Variants in TPST2 observed in about 807,000 individuals in gnomAD.
The protein encoded by TPST2 is protein-tyrosine sulfotransferase 2.
In TPST2, 16 loss-of-function variants were observed where a neutral mutation model predicts 27.8. The ratio of observed to expected loss-of-function variants is 0.58; its 90% CI spans 0.39 to 0.88. The LOEUF is 0.88. Among genes scored for constraint, TPST2 ranks in the 40% least tolerant of loss-of-function variants. The pLI is 0.00. For synonymous variants in TPST2, 229 were observed against 231.7 expected (o/e 0.99, Z 0.10); for missense variants, 464 against 543.1 (o/e 0.85, Z 1.45).
At chr22:26,545,498 T>C (rs956701642) in intron 1 of TPST2, among the ~76,000 whole-genome samples, 2 of 152,220 alleles carry the variant, frequency 1.3e-5, no homozygotes, top group Non-Finnish European at 2.9e-5. Flanking sequence ...CAGTGCTGTG[T>C]CCTTACCATT....
intron 4 of TPST2, 32 bp downstream of exon 4, chr22:26,536,256 G>A (rs770086281): frequency 3.1e-6 from 5 of 1,612,760 alleles, no homozygotes; most frequent in Non-Finnish European, 2.5e-6. Context: ...ATCCCCAAGA[G>A]TACACTTCCA....
At chr22:26,544,951 G>A (rs1340481465) in intron 1 of TPST2, among the ~76,000 whole-genome samples, 3 of 152,190 alleles carry the variant, frequency 2.0e-5, no homozygotes, top group Non-Finnish European at 1.5e-5. Context: ...GGGAGCCCCT[G>A]GTTTATGCCA....
chr22:26,535,921 A>G (rs965936085), intron 4 of TPST2: 11 of 370,688 alleles, frequency 3.0e-5, no homozygotes, highest in Non-Finnish European at 4.2e-5. Context: ...CCAATAGTTT[A>G]TTTATTTATA....
chr22:26,540,477 T>C (rs1925729879), intron 3 of TPST2, among the ~76,000 whole-genome samples: 1 of 152,136 alleles, frequency 6.6e-6, no homozygotes, highest in Admixed American at 6.5e-5. Context: ...CGCATGCCTA[T>C]AGTCCCAGCT....
chr22:26,552,709 G>A (rs569123463), intron 1 of TPST2, among the ~76,000 whole-genome samples: 21 of 152,198 alleles, frequency 1.4e-4, no homozygotes, highest in South Asian at 8.3e-4. Context: ...GAAAACAGGC[G>A]GTCAGCTAGA....
At chr22:26,569,980 GAAAAGAAAGAAAAAGAAA>G (rs1927542087) in intron 1 of TPST2, among the ~76,000 whole-genome samples, 1 of 19,952 alleles carries the variant, frequency 5.0e-5, no homozygotes, top group African/African-American at 2.4e-4. Flanking sequence ...AAGAAAGAAA[GAAAAGAAAGAAAAAGAAA>G]GAAAGAAAGA....
intron 1 of TPST2, among the ~76,000 whole-genome samples, chr22:26,571,815 C>T (rs1350775901): frequency 6.6e-6 from 1 of 152,156 alleles, no homozygotes; most frequent in Non-Finnish European, 1.5e-5. Flanking sequence ...CCCCATGAAC[C>T]CCTGATCCAA....
At chr22:26,544,946 C>T (rs541662384) in intron 1 of TPST2, among the ~76,000 whole-genome samples, 1 of 152,216 alleles carries the variant, frequency 6.6e-6, no homozygotes, top group East Asian at 1.9e-4. Flanking sequence ...CCTTAGGGAG[C>T]CCCTGGTTTA....
chr22:26,554,783 C>T (rs1336420301), intron 1 of TPST2, among the ~76,000 whole-genome samples: 1 of 152,194 alleles, frequency 6.6e-6, no homozygotes, highest in East Asian at 1.9e-4. Context: ...GCCAAAAATA[C>T]AGAAATTAGC....
At chr22:26,588,562 T>C (rs1043746339) in intron 1 of TPST2, among the ~76,000 whole-genome samples, 4 of 152,092 alleles carry the variant, frequency 2.6e-5, no homozygotes, top group Non-Finnish European at 5.9e-5. Context: ...ACAAAGCTGT[T>C]ATAAAAAAAG....
chr22:26,542,252 A>AAG (rs1208526053), intron 2 of TPST2, among the ~76,000 whole-genome samples: 1 of 151,478 alleles, frequency 6.6e-6, no homozygotes, highest in African/African-American at 2.4e-5. Flanking sequence ...AAAAAAAAAA[A>AAG]AAAAAAGGCT....
Position 26,540,834 on chromosome 22 carries a change from TGGA to T in TPST2, c.794_796del (p.Leu265del), listed in dbSNP as rs1282419394. ...GGGCTTGCCAATGAGGTCTTCATGG[TGGA>T]GGACAGCGTCGCTCCAGGCGATGCC... On this transcript the variant is annotated inframe_deletion, in exon 3 of 7. Transcript: ENST00000338754. The T allele has an allele frequency of 6.2e-7, 1 of 1,612,376 alleles. No homozygotes were observed. Among genetic ancestry groups the T allele is most frequent in the Non-Finnish European group, 8.5e-7 (1 of 1,179,206 alleles).
At chr22:26,537,401 A>G (rs1387612974) in intron 3 of TPST2, among the ~76,000 whole-genome samples, 1 of 152,232 alleles carries the variant, frequency 6.6e-6, no homozygotes, top group Admixed American at 6.5e-5. Context: ...GGGTTGTCTG[A>G]AGAGTAAATG....
rs779424138 is a variant in TPST2, at chr22:26,541,128, T to A, written c.503A>T (p.Tyr168Phe). 3.1e-6 allele frequency: 5 copies of A among 1,607,752 alleles called. No homozygotes were observed. The highest frequency in any genetic ancestry group is 4.3e-6 in the Non-Finnish European group (5 of 1,175,694). ...GGAGTTGGGGAACAGGCGCGACAGG[T>A]AGACCGAGGACTTGAGCGTAAATGG... is the stretch of plus-strand genomic sequence containing the variant. ...KDPFTLKSSV[Y>F]LSRLFPNSKF... The change falls in exon 3 of 7, where the codon TAC (tyrosine) becomes TTC (phenylalanine). Residue 168 changes from tyrosine to phenylalanine, a missense_variant. Tyr to Phe is a conservative substitution (Grantham distance 22). Coordinates refer to ENST00000338754, the MANE Select transcript of TPST2 (RefSeq NM_003595.5). This position sits in a 1 kb window ranked among gnomAD's most constrained non-coding sequence, Gnocchi z 5.9.
At chr22:26,546,879 GGGAAGA>G (rs959945705) in intron 1 of TPST2, among the ~76,000 whole-genome samples, 4 of 152,266 alleles carry the variant, frequency 2.6e-5, no homozygotes, top group African/African-American at 7.2e-5. Context: ...AGAGGGTGAA[GGGAAGA>G]GGAAGAGGAG....
intron 1 of TPST2, among the ~76,000 whole-genome samples, chr22:26,581,035 C>G (rs1193329782): frequency 1.4e-5 from 1 of 69,192 alleles, no homozygotes; most frequent in Non-Finnish European, 3.6e-5. Flanking sequence ...CACACACACA[C>G]ACACACACAC....
chr22:26,541,371 A>G lies in TPST2; in HGVS notation c.260T>C (p.Met87Thr). 6.4e-7 allele frequency: 1 copy of G among 1,557,008 alleles called. No individual in the cohort carries two copies. Among genetic ancestry groups the G allele is most frequent in the Non-Finnish European group, 8.7e-7 (1 of 1,150,634 alleles). The change falls in exon 3 of 7, where the codon ATG (methionine) becomes ACG (threonine). Residue 87 changes from methionine to threonine, a missense_variant. Transcript: ENST00000338754. The surrounding 1 kb of genome is among the most constrained non-coding windows in gnomAD (Gnocchi z 5.9). ...GCGCACCTCGGGGTGCGCGTCCAGC[A>G]TGGCGCGCATCAACGTGGTGCCACT... ...PRSGTTLMRA[M>T]LDAHPEVRCG...
At chr22:26,587,266 T>C (rs1212599706) in intron 1 of TPST2, among the ~76,000 whole-genome samples, 7 of 152,138 alleles carry the variant, frequency 4.6e-5, no homozygotes, top group South Asian at 2.1e-4. Flanking sequence ...TCCACCTTCC[T>C]TTCACCCCCT....
chr22:26,573,850 A>G (rs533175050), intron 1 of TPST2, among the ~76,000 whole-genome samples: 1 of 152,258 alleles, frequency 6.6e-6, no homozygotes, highest in East Asian at 1.9e-4. Context: ...TTTCCTGAGC[A>G]TTCACCTGCT....
Sources: allele counts gnomAD v4.1 joint callset (sites outside exome capture counted in the v4.1 genomes callset), GRCh38; gene constraint gnomAD v4.1.1; non-coding constraint Gnocchi (gnomAD v3.1); transcripts MANE v1.5; gene names NCBI Gene and HGNC (gene_info 2026-07-23, HGNC 2026-07-21).